Variants in SEPTIN8 observed in about 807,000 individuals in gnomAD.
SEPTIN8 encodes septin-8.
In SEPTIN8, 22 loss-of-function variants were observed where a neutral mutation model predicts 53.1. The ratio of observed to expected loss-of-function variants is 0.41; its 90% CI spans 0.30 to 0.59. SEPTIN8 has a LOEUF of 0.59. Among genes scored for constraint, SEPTIN8 ranks in the 20% least tolerant of loss-of-function variants. SEPTIN8 has a pLI of 0.24. For synonymous variants in SEPTIN8, 228 were observed against 248.4 expected, an observed-to-expected ratio of 0.92 and a Z score of 0.77; for missense variants, 536 against 638.7, an observed-to-expected ratio of 0.84 and a Z score of 1.73.
chr5:132,762,764 G>A, intron 4 of SEPTIN8, 119 bp from the exon 5 acceptor site: 1 of 1,148,612 alleles, frequency 8.7e-7, no homozygotes, highest in Non-Finnish European at 1.3e-6. Flanking sequence ...GGGGGAAGGA[G>A]GCCAGAGAGA....
intron 3 of SEPTIN8, 63 bp downstream of exon 3, chr5:132,764,161 T>C: frequency 2.0e-6 from 3 of 1,523,844 alleles, no homozygotes; most frequent in Non-Finnish European, 2.7e-6. Context: ...GGGCTACTGT[T>C]ATAGGGGCCA....
At chr5:132,779,953 C>T (rs1758017694), upstream of SEPTIN8, among the ~76,000 whole-genome samples, 1 of 152,154 alleles carries the variant, frequency 6.6e-6, no homozygotes, top group Admixed American at 6.5e-5. Flanking sequence ...TTACATTGTC[C>T]AGGTAGGTAG....
upstream of SEPTIN8, among the ~76,000 whole-genome samples, chr5:132,779,812 T>C (rs1001938279): frequency 6.6e-6 from 1 of 152,176 alleles, no homozygotes; most frequent in African/African-American, 2.4e-5. Flanking sequence ...GCCAAACCAG[T>C]TGTTTCATCT....
Position 132,761,711 on chromosome 5 carries a change from AG to A in SEPTIN8, c.794-86del. ...CAGGGTAGGCACGCAGGTGGGCATGAGGAGGAAACAGCACAGGGTACTACAG... is the reference window on the plus strand; with the variant it reads ...CAGGGTAGGCACGCAGGTGGGCATGAGAGGAAACAGCACAGGGTACTACAG... On this transcript the variant is annotated intron_variant, in intron 6 of 9. Transcript: ENST00000378719. The surrounding 1 kb of genome is among the most constrained non-coding windows in gnomAD (Gnocchi z 5.8). 1 of 1,587,170 alleles carries A rather than the reference AG, an allele frequency of 6.3e-7. No individual in the cohort carries two copies.
At chr5:132,752,982 C>A in intron 9 of SEPTIN8, 1 of 1,604,450 alleles carries the variant, frequency 6.2e-7, no homozygotes, top group Non-Finnish European at 8.5e-7. Context: ...CCCTCTGCCT[C>A]CACCCCGGGG....
At chr5:132,754,125 T>C (rs984140927) in intron 9 of SEPTIN8, 2 of 374,866 alleles carry the variant, frequency 5.3e-6, no homozygotes, top group Non-Finnish European at 9.8e-6. Context: ...CACTTTTGCT[T>C]GTTGGTGCTT....
chr5:132,770,201 T>C, intron 1 of SEPTIN8, among the ~76,000 whole-genome samples: 1 of 146,124 alleles, frequency 6.8e-6, no homozygotes. Flanking sequence ...ATGTATTTTT[T>C]GAGACACAGT....
chr5:132,757,647 C>T (rs1177856894), intron 9 of SEPTIN8: 1 of 985,184 alleles, frequency 1.0e-6, no homozygotes, highest in Non-Finnish European at 1.2e-6. Context: ...TTAAAACTAC[C>T]CTTCCTTTCA....
chr5:132,757,406 A>C, intron 9 of SEPTIN8: 4 of 985,480 alleles, frequency 4.1e-6, no homozygotes, highest in Non-Finnish European at 4.8e-6. Flanking sequence ...TCAGGAAGGC[A>C]GGAGGAAGCC....
intron 1 of SEPTIN8, among the ~76,000 whole-genome samples, chr5:132,767,151 C>G (rs1425178391): frequency 6.6e-6 from 1 of 152,274 alleles, no homozygotes; most frequent in East Asian, 1.9e-4. Flanking sequence ...GCATCATGTC[C>G]CAATCTCCCC....
At chr5:132,757,210 C>G in intron 9 of SEPTIN8, 2 of 981,534 alleles carry the variant, frequency 2.0e-6, no homozygotes, top group Non-Finnish European at 2.4e-6. Flanking sequence ...CTAAATAATT[C>G]AAGCTTTCAG....
At chr5:132,763,942 TGGGGCTTGGGGGGCTCAGGGCTC>T in intron 3 of SEPTIN8, 50 bp from the exon 4 acceptor site, 4 of 1,488,482 alleles carry the variant, frequency 2.7e-6, no homozygotes, top group Non-Finnish European at 2.7e-6. Flanking sequence ...ATCAGGGGCT[TGGGGCTTGGGGGGCTCAGGGCTC>T]GGGGCCAAGC....
rs538932986 is a variant in SEPTIN8 at position 132,767,471 on chromosome 5, A to T, written c.31-1942T>A. 2.0e-5 allele frequency among the ~76,000 whole-genome samples: 3 copies of T among 152,202 alleles called. No homozygotes were observed. The East Asian group carries it at 5.8e-4, about 29-fold the overall frequency. On this transcript the variant is annotated intron_variant, in intron 1 of 9. Coordinates refer to ENST00000378719, the MANE Select transcript of SEPTIN8 (RefSeq NM_001098811.2). The stretch of plus-strand genomic sequence containing the variant: ...GTTCCAGACCCCTCACTTGGCAGTT[A>T]TCCTGTTTCCTAGTACTACTGGTTA...
At chr5:132,770,063 G>GTGTA (rs1430192882) in intron 1 of SEPTIN8, among the ~76,000 whole-genome samples, 3 of 90,244 alleles carry the variant, frequency 3.3e-5, no homozygotes, top group Admixed American at 1.4e-4. Context: ...GTGTGTGTGT[G>GTGTA]TATATATATA....
intron 9 of SEPTIN8, chr5:132,756,346 C>G: frequency 1.0e-6 from 1 of 979,812 alleles, no homozygotes. Context: ...AATAGCATCC[C>G]CTTTCTCTCT....
chr5:132,771,654 T>C lies in SEPTIN8; in HGVS notation c.30+5454A>G, dbSNP rs149549384. 5.6e-4 allele frequency among the ~76,000 whole-genome samples: 85 copies of C among 152,292 alleles called. No individual in the cohort carries two copies. In the East Asian group the frequency reaches 9.5e-3, roughly 17 times the overall value. ...CCACCCATGTTCCTGGCACAAACTA[T>C]GCTAGCCCCGGCTCCAGCTCCTCCC... On this transcript the variant is annotated intron_variant, in intron 1 of 9. Transcript: ENST00000378719.
At chr5:132,778,051 C>T, upstream of SEPTIN8, 1 of 985,586 alleles carries the variant, frequency 1.0e-6, no homozygotes, top group Middle Eastern at 5.2e-4. Context: ...CCGCTAATGT[C>T]ACTGCTCAAA....
Position 132,764,270 on chromosome 5 carries a change from T to C in SEPTIN8, c.301A>G (p.Ile101Val), listed in dbSNP as rs77186136. ...TCCCCAAAGCCCACGGCATCCACAA[T>C]GGTCAGCTTGAGCTGCACGTTGCTC... ...QESNVQLKLT[I>V]VDAVGFGDQI... The change falls in exon 3 of 10, where the codon ATT (isoleucine) becomes GTT (valine). Residue 101 changes from isoleucine to valine, a missense_variant. Physicochemically the swap from Ile to Val is conservative, Grantham distance 29. This residue lies in a region of SEPTIN8 where 395 missense variants were observed against 451.8 expected (regional missense o/e 0.87). Transcript: ENST00000378719. 1 of 1,614,124 alleles carries C rather than the reference T, an allele frequency of 6.2e-7. No homozygotes were observed. The highest frequency in any genetic ancestry group is 2.2e-5 in the East Asian group (1 of 44,872).
intron 9 of SEPTIN8, chr5:132,758,877 T>C (rs896474122): frequency 8.4e-6 from 13 of 1,543,782 alleles, no homozygotes; most frequent in East Asian, 4.5e-5. Context: ...TTAAAAGATA[T>C]GCAGACCAAA....
Sources: gnomAD v4.1 joint callset for allele counts (sites outside exome capture counted in the v4.1 genomes callset) on GRCh38, gnomAD v4.1.1 for gene constraint, gnomAD v4.1.1 regional missense constraint, Gnocchi (gnomAD v3.1) non-coding constraint, MANE v1.5 for transcripts, NCBI Gene and HGNC (gene_info 2026-07-23, HGNC 2026-07-21) for gene names.